The following CEP63 variants were observed in gnomAD, a reference collection of about 807,000 sequenced individuals.
CEP63 encodes centrosomal protein of 63 kDa.
A neutral mutation model predicts 89.1 loss-of-function variants in CEP63; 84 were observed. That is an observed-to-expected ratio of 0.94 (90% CI 0.79 to 1.13). The LOEUF (loss-of-function observed/expected upper bound fraction) is 1.13, where lower values mean the gene tolerates loss of function less well. Ranked by LOEUF, CEP63 falls within the 50% of genes most tolerant of loss-of-function variation. The pLI, the probability that CEP63 is intolerant of heterozygous loss-of-function variation, is 0.00. For missense variants in CEP63, 838 were observed against 813.3 expected (o/e 1.03, Z -0.37); for synonymous variants, 267 against 272.5 (o/e 0.98, Z 0.20).
intron 10 of CEP63, among the ~76,000 whole-genome samples, chr3:134,587,014 G>C (rs181143128): frequency 6.6e-6 from 1 of 152,260 alleles, no homozygotes; most frequent in African/African-American, 2.4e-5. Flanking sequence ...GCATCACGAA[G>C]TTCTCGTGCC....
intron 12 of CEP63, among the ~76,000 whole-genome samples, chr3:134,557,714 A>G (rs185886302): frequency 5.2e-4 from 79 of 152,322 alleles, no homozygotes; most frequent in African/African-American, 1.8e-3. Context: ...CCTGCCAGCC[A>G]GAAGATTTTT....
At chr3:134,681,272 G>C in the CEP63 span, among the ~76,000 whole-genome samples, 10 of 152,198 alleles carry the variant, frequency 6.6e-5, no homozygotes, top group South Asian at 6.2e-4. Flanking sequence ...TGTGAAGTGA[G>C]GGACGGTTGC....
At chr3:134,532,618 A>G (rs1348155388) in intron 4 of CEP63, 160 bp from the exon 5 acceptor site, 4 of 560,394 alleles carry the variant, frequency 7.1e-6, no homozygotes, top group African/African-American at 3.8e-5. Flanking sequence ...TTTGTTTTAC[A>G]TATTTAATTT....
At chr3:134,629,277 G>T in the CEP63 span, 2 of 258,996 alleles carry the variant, frequency 7.7e-6, no homozygotes, top group East Asian at 7.6e-5. Context: ...AGGTTAAAAA[G>T]TTAATAAATG....
chr3:134,606,982 A>G, the CEP63 span: 6 of 985,318 alleles, frequency 6.1e-6, no homozygotes, highest in Non-Finnish European at 7.2e-6. Flanking sequence ...ACCACAAAGA[A>G]ATACTCTGTA....
intron 3 of CEP63, among the ~76,000 whole-genome samples, chr3:134,518,915 G>GA (rs141962273): frequency 0.016 from 2,452 of 151,698 alleles, 55 homozygotes; most frequent in African/African-American, 0.055. Flanking sequence ...GACTAATTAA[G>GA]AAAAAAGGGG....
the CEP63 span, among the ~76,000 whole-genome samples, chr3:134,737,199 TAGA>T: frequency 2.2e-4 from 33 of 152,326 alleles, no homozygotes; most frequent in Admixed American, 1.9e-3. Flanking sequence ...TTCAATATTT[TAGA>T]AGGAGATATA....
the CEP63 span, chr3:134,607,693 A>T: frequency 1.0e-6 from 1 of 985,726 alleles, no homozygotes; most frequent in Non-Finnish European, 1.2e-6. Flanking sequence ...CAGCCCCCGT[A>T]TGCCTCAGAG....
the CEP63 span, among the ~76,000 whole-genome samples, chr3:134,710,144 G>C: frequency 6.6e-6 from 1 of 152,212 alleles, no homozygotes; most frequent in Non-Finnish European, 1.5e-5. Flanking sequence ...TCTTTCAAGA[G>C]AGTCTGAAGG....
At chr3:134,683,685 T>A in the CEP63 span, among the ~76,000 whole-genome samples, 16 of 151,992 alleles carry the variant, frequency 1.1e-4, no homozygotes, top group Non-Finnish European at 2.9e-5. Flanking sequence ...GGACTCAGTC[T>A]GCCTCTCATT....
At chr3:134,672,362 T>A in the CEP63 span, among the ~76,000 whole-genome samples, 1 of 152,200 alleles carries the variant, frequency 6.6e-6, no homozygotes, top group East Asian at 1.9e-4. Context: ...TTGTGACCAT[T>A]GTTACTTCTG....
intron 2 of CEP63, among the ~76,000 whole-genome samples, chr3:134,498,828 C>T (rs1239686240): frequency 1.3e-5 from 2 of 152,130 alleles, no homozygotes; most frequent in Non-Finnish European, 2.9e-5. Flanking sequence ...GTCTTTCATT[C>T]TGTTGATGTG....
the CEP63 span, chr3:134,619,404 A>G: frequency 1.5e-6 from 1 of 674,716 alleles, no homozygotes; most frequent in Admixed American, 2.3e-5. Flanking sequence ...CCCCAGCACA[A>G]ATGGGATCTG....
chr3:134,594,099 CAA>C, the CEP63 span, among the ~76,000 whole-genome samples: 1 of 152,344 alleles, frequency 6.6e-6, no homozygotes, highest in South Asian at 2.1e-4. Context: ...CACATACATT[CAA>C]ATACAAATAT....
the CEP63 span, among the ~76,000 whole-genome samples, chr3:134,718,074 C>A: frequency 1.3e-5 from 2 of 152,226 alleles, no homozygotes; most frequent in South Asian, 2.1e-4. Context: ...TCCCACCTCC[C>A]AGCCTTAGTG....
chr3:134,681,925 C>G, the CEP63 span, among the ~76,000 whole-genome samples: 1 of 152,324 alleles, frequency 6.6e-6, no homozygotes, highest in African/African-American at 2.4e-5. Context: ...ACAAATCTTG[C>G]TGGAGCAGCA....
chr3:134,728,361 C>A, the CEP63 span, among the ~76,000 whole-genome samples: 2 of 152,216 alleles, frequency 1.3e-5, no homozygotes, highest in African/African-American at 4.8e-5. Flanking sequence ...CTAGAAATTT[C>A]ACCTATGGAA....
the CEP63 span, among the ~76,000 whole-genome samples, chr3:134,768,803 T>C: frequency 2.0e-5 from 3 of 152,330 alleles, no homozygotes; most frequent in African/African-American, 4.8e-5. Context: ...TTGCTAATCA[T>C]TGGGCTGTAA....
chr3:134,711,002 G>T, the CEP63 span, among the ~76,000 whole-genome samples: 1 of 152,094 alleles, frequency 6.6e-6, no homozygotes, highest in Non-Finnish European at 1.5e-5. Flanking sequence ...TTACAGGCTT[G>T]AGCCACTGTG....
Sources: allele counts gnomAD v4.1 joint callset (sites outside exome capture counted in the v4.1 genomes callset), GRCh38; gene constraint gnomAD v4.1.1; transcripts MANE v1.5; gene names NCBI Gene and HGNC (gene_info 2026-07-23, HGNC 2026-07-21).